The following DACH2 variants were observed in gnomAD, a reference collection of about 807,000 sequenced individuals.
The protein encoded by DACH2 is dachshund family transcription factor 2, also known as dachshund homolog 2.
Under a neutral mutation model 35.8 loss-of-function variants are expected in DACH2, and 17 were observed. The ratio of observed to expected loss-of-function variants is 0.48; its 90% confidence interval spans 0.33 to 0.71. The LOEUF is 0.71. DACH2 is among the 30% of genes least tolerant of loss of function. The pLI is 0.02. For missense variants in DACH2, 469 were observed against 472.7 expected, an observed-to-expected ratio of 0.99 and a Z score of 0.07; for synonymous variants, 195 against 177.3, an observed-to-expected ratio of 1.10 and a Z score of -0.79.
At chrX:86,806,858 T>G (rs2042349512) in intron 7 of DACH2, among the ~76,000 whole-genome samples, 1 of 112,125 alleles carries the variant, frequency 8.9e-6, no homozygotes, top group Non-Finnish European at 1.9e-5. Context: ...GAAAGAACAG[T>G]GCTTCCCAAC....
At chrX:86,674,723 A>G (rs893271557) in intron 4 of DACH2, among the ~76,000 whole-genome samples, 2 of 111,894 alleles carry the variant, frequency 1.8e-5, no homozygotes, top group African/African-American at 6.5e-5. Flanking sequence ...CATATCCAAA[A>G]ACTGATGAAA....
intron 3 of DACH2, among the ~76,000 whole-genome samples, chrX:86,562,980 G>A (rs756634031): frequency 3.6e-5 from 4 of 111,119 alleles, no homozygotes; most frequent in Non-Finnish European, 5.7e-5. Context: ...ATTGTAAATC[G>A]CCAAATGATA....
intron 2 of DACH2, among the ~76,000 whole-genome samples, chrX:86,401,200 G>C (rs935628754): frequency 1.8e-5 from 2 of 112,425 alleles, no homozygotes; most frequent in African/African-American, 6.5e-5. Context: ...ATAATCTCCT[G>C]GTGTGCCATT....
At chrX:86,376,154 T>C (rs1475592248) in intron 1 of DACH2, among the ~76,000 whole-genome samples, 1 of 90,823 alleles carries the variant, frequency 1.1e-5, no homozygotes, top group Admixed American at 1.2e-4. Flanking sequence ...TGTGTGTATG[T>C]GTGTGTGTGT....
At chrX:86,762,272 T>TA (rs1043154167) in intron 7 of DACH2, among the ~76,000 whole-genome samples, 14 of 111,398 alleles carry the variant, frequency 1.3e-4, no homozygotes, top group African/African-American at 3.3e-4. Context: ...AGTTATTCCC[T>TA]AAAAAATCAC....
At chrX:86,639,572 C>T (rs767450189) in intron 3 of DACH2, among the ~76,000 whole-genome samples, 2 of 111,625 alleles carry the variant, frequency 1.8e-5, no homozygotes, top group African/African-American at 3.3e-5. Context: ...CAACAGCCTG[C>T]AGGCCCCACT....
intron 2 of DACH2, among the ~76,000 whole-genome samples, chrX:86,394,815 G>A (rs1161719069): frequency 8.9e-6 from 1 of 111,751 alleles, no homozygotes; most frequent in East Asian, 2.8e-4. Flanking sequence ...ATATAGCCCA[G>A]GGTGTCTGAA....
At chrX:86,638,750 A>G (rs2040309310) in intron 3 of DACH2, among the ~76,000 whole-genome samples, 1 of 111,923 alleles carries the variant, frequency 8.9e-6, no homozygotes. Flanking sequence ...TTAAAAAGGA[A>G]AAAAAGATAA....
intron 2 of DACH2, among the ~76,000 whole-genome samples, chrX:86,446,804 A>C: frequency 1.3e-5 from 1 of 74,273 alleles, no homozygotes; most frequent in African/African-American, 5.1e-5. Flanking sequence ...CTTTGGGTAT[A>C]TACCCAGTAA....
At chrX:86,355,303 T>G (rs2035624686) in intron 1 of DACH2, among the ~76,000 whole-genome samples, 1 of 111,899 alleles carries the variant, frequency 8.9e-6, no homozygotes, top group Non-Finnish European at 1.9e-5. Flanking sequence ...CTATTGTGAA[T>G]AGTGTGGCGA....
intron 5 of DACH2, among the ~76,000 whole-genome samples, chrX:86,695,528 TA>T (rs200951916): frequency 0.017 from 1,741 of 102,786 alleles, 49 homozygotes; most frequent in Admixed American, 0.087. Context: ...TTTTTTTTTT[TA>T]AATGGAGTTT....
intron 3 of DACH2, among the ~76,000 whole-genome samples, chrX:86,624,290 G>A (rs17278808): frequency 0.063 from 6,920 of 110,666 alleles, 190 homozygotes; most frequent in East Asian, 0.14. Context: ...ACATTCCTAT[G>A]CTTCCGATTC....
At chrX:86,339,812 C>T (rs947330642) in intron 1 of DACH2, among the ~76,000 whole-genome samples, 1 of 111,923 alleles carries the variant, frequency 8.9e-6, no homozygotes, top group Non-Finnish European at 1.9e-5. Flanking sequence ...CTTCAAAATG[C>T]TAATATGATG....
intron 3 of DACH2, among the ~76,000 whole-genome samples, chrX:86,529,133 T>C (rs2038675451): frequency 8.9e-6 from 1 of 111,847 alleles, no homozygotes; most frequent in Non-Finnish European, 1.9e-5. Context: ...CAACCTCAAA[T>C]GTCTGGGCTC....
intron 1 of DACH2, among the ~76,000 whole-genome samples, chrX:86,219,323 A>G (rs2032649247): frequency 9.0e-6 from 1 of 110,930 alleles, no homozygotes; most frequent in Admixed American, 9.6e-5. Flanking sequence ...AAAAACTTTT[A>G]TTTTAGCTTC....
intron 4 of DACH2, among the ~76,000 whole-genome samples, chrX:86,667,541 GAAAGAAGAAAGA>G (rs1353297978): frequency 0.01 from 453 of 44,975 alleles, 1 homozygote; most frequent in Non-Finnish European, 0.013. Flanking sequence ...AAGAAAGAAA[GAAAGAAGAAAGA>G]AAGAAAGAAA....
intron 2 of DACH2, among the ~76,000 whole-genome samples, chrX:86,385,033 T>C (rs1030359650): frequency 1.8e-5 from 2 of 111,803 alleles, no homozygotes; most frequent in African/African-American, 3.2e-5. Flanking sequence ...TGAACATTTT[T>C]ATTTCAATTT....
chrX:86,670,244 C>T (rs1314871373), intron 4 of DACH2, among the ~76,000 whole-genome samples: 3 of 110,547 alleles, frequency 2.7e-5, no homozygotes, highest in Non-Finnish European at 3.8e-5. Context: ...CACAAGTTTC[C>T]GGCCGAGACT....
intron 2 of DACH2, among the ~76,000 whole-genome samples, chrX:86,454,036 A>T (rs2037430077): frequency 9.0e-6 from 1 of 111,316 alleles, no homozygotes; most frequent in Non-Finnish European, 1.9e-5. Context: ...TTTGCTTATG[A>T]AGCTTAGTTT....
Sources: gnomAD v4.1 joint callset for allele counts (sites outside exome capture counted in the v4.1 genomes callset) on GRCh38, gnomAD v4.1.1 for gene constraint, MANE v1.5 for transcripts, NCBI Gene and HGNC (gene_info 2026-07-23, HGNC 2026-07-21) for gene names.